SUSD4: variants seen among roughly 807,000 people sequenced by gnomAD.
The protein encoded by SUSD4 is sushi domain-containing protein 4.
In SUSD4, 41 loss-of-function variants were observed where a neutral mutation model predicts 50.5. The observed-to-expected ratio is 0.81, with a 90% CI of 0.63 to 1.05. SUSD4 has a LOEUF of 1.05. Ranked by LOEUF, SUSD4 falls within the 50% of genes least tolerant of loss-of-function variation. SUSD4 has a pLI of 0.00. For synonymous variants in SUSD4, 257 were observed against 257.3 expected, an observed-to-expected ratio of 1.00 and a Z score of 0.01; for missense variants, 580 against 634.7, an observed-to-expected ratio of 0.91 and a Z score of 0.93.
intron 5 of SUSD4, among the ~76,000 whole-genome samples, chr1:223,241,300 G>A (rs1660565623): frequency 6.6e-6 from 1 of 152,218 alleles, no homozygotes; most frequent in Admixed American, 6.5e-5. Flanking sequence ...AGCTTCTGGA[G>A]GCAAAACTCA....
intron 5 of SUSD4, among the ~76,000 whole-genome samples, chr1:223,240,474 G>GT (rs898740807): frequency 1.1e-4 from 16 of 150,226 alleles, no homozygotes; most frequent in East Asian, 3.9e-4. Context: ...GATATTCTGG[G>GT]TTTTTTTTTC....
chr1:223,294,546 G>A (rs1347945839), intron 2 of SUSD4, among the ~76,000 whole-genome samples: 1 of 152,188 alleles, frequency 6.6e-6, no homozygotes, highest in Non-Finnish European at 1.5e-5. Context: ...CACAGCACAG[G>A]AGGCATGGCA....
intron 2 of SUSD4, among the ~76,000 whole-genome samples, chr1:223,311,724 C>T (rs576386278): frequency 6.6e-6 from 1 of 152,266 alleles, no homozygotes; most frequent in South Asian, 2.1e-4. Context: ...ATCCTCAAAC[C>T]TCTACAACAT....
In SUSD4 at chr1:223,234,132, C is replaced by T. The variant is rs372002665; in HGVS notation, c.725-4744G>A. On this transcript the variant is annotated intron_variant, in intron 5 of 8. Transcript: ENST00000366878. ...CAGAGGTGGGCTACATGTGGGGAGG[C>T]GGGACCAAAGGATAGGGTGCTGAGG... is the stretch of plus-strand genomic sequence containing the variant. Among the ~76,000 whole-genome samples, 13 of 152,288 alleles carry T rather than the reference C, an allele frequency of 8.5e-5. 1 individual carries two copies. In the South Asian group the frequency reaches 2.3e-3, roughly 27 times the overall value.
intron 3 of SUSD4, chr1:223,289,216 C>T (rs983371752): frequency 1.0e-6 from 1 of 985,304 alleles, no homozygotes; most frequent in Non-Finnish European, 1.2e-6. Context: ...CCTCTGTTCC[C>T]TGGGCCATAG....
chr1:223,252,074 TG>T (rs1661350950), intron 5 of SUSD4, among the ~76,000 whole-genome samples: 1 of 42,216 alleles, frequency 2.4e-5, no homozygotes, highest in African/African-American at 1.0e-4. Flanking sequence ...TGTTGTGGGG[TG>T]GGGGGAGGGG....
At chr1:223,301,125 T>C (rs919518320) in intron 2 of SUSD4, among the ~76,000 whole-genome samples, 2 of 152,230 alleles carry the variant, frequency 1.3e-5, no homozygotes, top group Non-Finnish European at 2.9e-5. Flanking sequence ...ATCTTCATGA[T>C]ATTATATAAA....
chr1:223,350,728 C>T (rs776940699), intron 2 of SUSD4, among the ~76,000 whole-genome samples: 3 of 152,118 alleles, frequency 2.0e-5, no homozygotes, highest in African/African-American at 4.8e-5. Flanking sequence ...ACTGGGATTA[C>T]GTATGTATGT....
At chr1:223,262,355 A>G (rs371109347) in intron 5 of SUSD4, among the ~76,000 whole-genome samples, 1 of 152,222 alleles carries the variant, frequency 6.6e-6, no homozygotes, top group African/African-American at 2.4e-5. Context: ...TATGTCATCA[A>G]GAAAAATCAA....
intron 3 of SUSD4, among the ~76,000 whole-genome samples, chr1:223,278,262 G>A (rs573222912): frequency 3.9e-5 from 6 of 152,276 alleles, no homozygotes; most frequent in South Asian, 4.2e-4. Context: ...AAAGCAGGGC[G>A]AGGCATCACC....
chr1:223,289,866 G>A (rs564366595), intron 3 of SUSD4, among the ~76,000 whole-genome samples: 22 of 152,294 alleles, frequency 1.4e-4, no homozygotes, highest in African/African-American at 4.8e-4. Flanking sequence ...CATAAACAAG[G>A]TTAGACTCAA....
At chr1:223,353,472 A>G (rs1019446471) in intron 2 of SUSD4, among the ~76,000 whole-genome samples, 5 of 152,202 alleles carry the variant, frequency 3.3e-5, no homozygotes, top group Non-Finnish European at 5.9e-5. Context: ...CAGAGGAACA[A>G]GTCTTATGGC....
intron 5 of SUSD4, among the ~76,000 whole-genome samples, chr1:223,233,130 T>C (rs1660001743): frequency 6.6e-6 from 1 of 152,142 alleles, no homozygotes; most frequent in Non-Finnish European, 1.5e-5. Flanking sequence ...ATCACCACAT[T>C]TTCTCAGAGG....
chr1:223,241,944 G>A (rs1257151378), intron 5 of SUSD4, among the ~76,000 whole-genome samples: 1 of 152,054 alleles, frequency 6.6e-6, no homozygotes, highest in African/African-American at 2.4e-5. Flanking sequence ...AATAATTAGA[G>A]TATGTATGTA....
intron 3 of SUSD4, among the ~76,000 whole-genome samples, chr1:223,272,872 T>C (rs956545996): frequency 6.6e-6 from 1 of 152,042 alleles, no homozygotes; most frequent in African/African-American, 2.4e-5. Flanking sequence ...GGATAAAGAG[T>C]CAAGGGCCTT....
chr1:223,239,896 G>A (rs1660464743), intron 5 of SUSD4, among the ~76,000 whole-genome samples: 7 of 151,710 alleles, frequency 4.6e-5, no homozygotes, highest in Admixed American at 3.9e-4. Context: ...TCTTTATGTA[G>A]ACCCAACTTT....
At chr1:223,249,933 A>T (rs749668397) in intron 5 of SUSD4, among the ~76,000 whole-genome samples, 1 of 152,196 alleles carries the variant, frequency 6.6e-6, no homozygotes, top group Non-Finnish European at 1.5e-5. Context: ...TGTGAGGGTG[A>T]GAATGTGAGA....
rs193141990 is a variant in SUSD4 at position 223,227,743 on chromosome 1, A to G, written c.917-5T>C. On this transcript the variant is annotated splice_polypyrimidine_tract_variant and splice_region_variant and intron_variant, in intron 6 of 8. Transcript: ENST00000366878. This position sits in a 1 kb window ranked among gnomAD's most constrained non-coding sequence, Gnocchi z 4.5. ...GGGTGCTGGGCCACGTTTGCTCTGC[A>G]TGAGGGAGAACAAAGCTGTACGTGA... The G allele has an allele frequency of 1.1e-3, 1,755 of 1,608,588 alleles. 20 individuals carry two copies. The African/African-American group carries it at 0.021, about 20-fold the overall frequency.
At chr1:223,364,900 T>G (rs979356160), upstream of SUSD4, among the ~76,000 whole-genome samples, 2 of 152,098 alleles carry the variant, frequency 1.3e-5, no homozygotes, top group South Asian at 4.2e-4. This position sits in a 1 kb window ranked among gnomAD's most constrained non-coding sequence, Gnocchi z 4.5. Flanking sequence ...CGAAGGACCA[T>G]CTGAGGCGGC....
Sources: allele counts gnomAD v4.1 joint callset (sites outside exome capture counted in the v4.1 genomes callset), GRCh38; gene constraint gnomAD v4.1.1; non-coding constraint Gnocchi (gnomAD v3.1); transcripts MANE v1.5; gene names NCBI Gene and HGNC (gene_info 2026-07-23, HGNC 2026-07-21).